The following GTF2F1 variants were observed in gnomAD, a reference collection of about 807,000 sequenced individuals.
GTF2F1 encodes general transcription factor IIF subunit 1, also known as general transcription factor IIF 74 kDa subunit.
GTF2F1 carries 39 observed loss-of-function variants against 63.5 expected under a neutral mutation model. The ratio of observed to expected loss-of-function variants is 0.61; its 90% CI spans 0.48 to 0.80. The LOEUF (loss-of-function observed/expected upper bound fraction) is 0.80. Ranked by LOEUF, GTF2F1 falls within the 30% of genes least tolerant of loss-of-function variation. The probability of loss-of-function intolerance (pLI) is 0.00; values close to 1 mark genes in which losing one functional copy is unlikely to be tolerated. For synonymous variants in GTF2F1, 287 were observed against 285.3 expected (o/e 1.01, Z -0.06); for missense variants, 657 against 718.3 (o/e 0.91, Z 0.97).
At position 6,381,821 on chromosome 19, in the gene GTF2F1, CCTT is replaced by C. The variant is rs776591997; in HGVS notation, c.709_711del (p.Lys237del). The C allele has an allele frequency of 6.2e-7, 1 of 1,613,472 alleles. No homozygotes were observed. The highest frequency in any genetic ancestry group is 1.1e-5 in the South Asian group (1 of 91,070). ...TTCCTGCCGCCCTTGGCCAGCGGCGCCTTCTTCTTGGCCTTGGGGACTCTGCCC... is the reference window on the plus strand; with the variant it reads ...TTCCTGCCGCCCTTGGCCAGCGGCGCCTTCTTGGCCTTGGGGACTCTGCCC... On this transcript the variant is annotated inframe_deletion, in exon 7 of 13. Coordinates refer to ENST00000394456, the MANE Select transcript of GTF2F1 (RefSeq NM_002096.3). This position sits in a 1 kb window ranked among gnomAD's most constrained non-coding sequence, Gnocchi z 4.1.
chr19:6,392,380 G>C, intron 2 of GTF2F1: 1 of 477,718 alleles, frequency 2.1e-6, no homozygotes, highest in Non-Finnish European at 4.1e-6. Context: ...CTCAGCCTTG[G>C]GGAGGAGGGA....
In GTF2F1 at chr19:6,381,554, C is replaced by G. The variant is rs780035055; in HGVS notation, c.898G>C (p.Gly300Arg). The stretch of plus-strand genomic sequence containing the variant: ...CCCGGCCCGCCCAGCCATCGCCTAC[C>G]CTTGGGCCCCTCCTCCTGCTGCGGC... ...KAPQQEEGPK[G>R]VDEQSDSSEE... is the part of the protein sequence containing the mutation. Residue 300 changes from glycine to arginine, a missense_variant and splice_region_variant, in exon 8 of 13, where the codon GGT (glycine) becomes CGT (arginine). By Grantham distance (125) the Gly-to-Arg change is moderately radical (BLOSUM62 -2). Transcript: ENST00000394456. This position sits in a 1 kb window ranked among gnomAD's most constrained non-coding sequence, Gnocchi z 4.1. The G allele has an allele frequency of 6.2e-7, 1 of 1,613,120 alleles. No homozygotes were observed. The highest frequency in any genetic ancestry group is 8.5e-7 in the Non-Finnish European group (1 of 1,180,018).
In GTF2F1 at chr19:6,387,262, G is replaced by T. The variant is rs557623060; in HGVS notation, c.497+127C>A. On this transcript the variant is annotated intron_variant, in intron 5 of 12. Transcript: ENST00000394456. ...CCTCCTGAACTGACAGCTCTGAGAC[G>T]GCCGAGTGGGGTCTGCCCTGGTTAC... 2.2e-5 allele frequency: 18 copies of T among 835,786 alleles called. No individual in the cohort carries two copies. In the African/African-American group the frequency reaches 2.7e-4, roughly 13 times the overall value. 51.8% of individuals were successfully genotyped at this position (835,786 alleles called of 1,614,324 possible).
intron 5 of GTF2F1, among the ~76,000 whole-genome samples, chr19:6,386,587 G>A (rs1249104192): frequency 6.6e-6 from 1 of 152,030 alleles, no homozygotes; most frequent in Non-Finnish European, 1.5e-5. Context: ...GGGACTACAG[G>A]CGCCCGCCAC....
intron 3 of GTF2F1, among the ~76,000 whole-genome samples, 158 bp downstream of exon 3, chr19:6,391,744 C>T (rs1468438663): frequency 6.6e-6 from 1 of 152,102 alleles, no homozygotes; most frequent in Non-Finnish European, 1.5e-5. Flanking sequence ...TGAACTACTG[C>T]ACCCAACCCT....
intron 5 of GTF2F1, among the ~76,000 whole-genome samples, chr19:6,386,069 C>T (rs2091972807): frequency 6.7e-6 from 1 of 148,506 alleles, no homozygotes; most frequent in South Asian, 2.2e-4. Flanking sequence ...GAGCGAGATT[C>T]GGTCTCAAAA....
Position 6,381,648 on chromosome 19 carries a change from C to A in GTF2F1, c.837-33G>T. On this transcript the variant is annotated intron_variant, in intron 7 of 12. Transcript: ENST00000394456. The surrounding 1 kb of genome is among the most constrained non-coding windows in gnomAD (Gnocchi z 4.1). ...ACGGGGATGGCAAAGGATGAGCGCG[C>A]GCTCGCGAGGCTGCATGGGGTCTCG... 1 of 1,614,008 alleles carries A rather than the reference C, an allele frequency of 6.2e-7. No homozygotes were observed. The highest frequency in any genetic ancestry group is 8.5e-7 in the Non-Finnish European group (1 of 1,180,034).
chr19:6,387,437 G>A lies in GTF2F1; in HGVS notation c.449C>T (p.Ala150Val), dbSNP rs1408290046. Residue 150 changes from alanine (A) to valine (V), a missense_variant, in exon 5 of 13, where the codon GCC becomes GTC. This residue lies in a region of GTF2F1 where 602 missense variants were observed against 625.6 expected (regional missense o/e 0.96). Coordinates refer to ENST00000394456, the MANE Select transcript of GTF2F1 (RefSeq NM_002096.3). ...VHNWYNFTPL[A>V]RHRTLTAEEA... ...CTCGGCAGTGAGCGTGCGATGCCGG[G>A]CCAGCGGTGTGAAATTGTACCAGTT... is the stretch of plus-strand genomic sequence containing the variant. 1 of 1,614,152 alleles carries A rather than the reference G, an allele frequency of 6.2e-7. No individual in the cohort carries two copies. The highest frequency in any genetic ancestry group is 8.5e-7 in the Non-Finnish European group (1 of 1,180,054).
At chr19:6,386,301 T>C (rs887975572) in intron 5 of GTF2F1, among the ~76,000 whole-genome samples, 1 of 151,236 alleles carries the variant, frequency 6.6e-6, no homozygotes, top group African/African-American at 2.4e-5. Context: ...GGCAGGAGAA[T>C]TGCTTGAACC....
intron 5 of GTF2F1, among the ~76,000 whole-genome samples, chr19:6,385,116 C>T (rs1199657257): frequency 2.6e-5 from 4 of 151,814 alleles, no homozygotes; most frequent in Non-Finnish European, 2.9e-5. Context: ...GCATTCTGGC[C>T]GGGCACCATG....
In GTF2F1 at chr19:6,381,854, G is replaced by C. The variant is rs1434245396; in HGVS notation, c.683-4C>G. 2.5e-6 allele frequency: 4 copies of C among 1,609,386 alleles called. No individual in the cohort carries two copies. In the South Asian group the frequency reaches 4.4e-5, roughly 18 times the overall value. On this transcript the variant is annotated splice_polypyrimidine_tract_variant and splice_region_variant and intron_variant, in intron 6 of 12. Coordinates refer to ENST00000394456, the MANE Select transcript of GTF2F1 (RefSeq NM_002096.3). The surrounding 1 kb of genome is among the most constrained non-coding windows in gnomAD (Gnocchi z 4.1). Reference sequence around the variant, plus strand: ...TTGGCCTTGGGGACTCTGCCCCCTGGGAAGGGAGGAAAGGAAGGAAAGGAG... The same window carrying C: ...TTGGCCTTGGGGACTCTGCCCCCTGCGAAGGGAGGAAAGGAAGGAAAGGAG...
At chr19:6,391,373 T>C (rs2091996302) in intron 3 of GTF2F1, among the ~76,000 whole-genome samples, 1 of 149,130 alleles carries the variant, frequency 6.7e-6, no homozygotes, top group South Asian at 2.2e-4. Context: ...GAGAGGCCTC[T>C]GGTGGGCCTA....
At chr19:6,387,350 C>T (rs778752614) in intron 5 of GTF2F1, 39 bp downstream of exon 5, 2 of 1,594,936 alleles carry the variant, frequency 1.3e-6, no homozygotes, top group East Asian at 4.5e-5. Flanking sequence ...CACCCCATTT[C>T]CCTCACTTCT....
Position 6,381,744 on chromosome 19 carries a change from A to C in GTF2F1, c.789T>G (p.Asp263Glu). 6.2e-7 allele frequency: 1 copy of C among 1,614,064 alleles called. No individual in the cohort carries two copies. Among genetic ancestry groups the C allele is most frequent in the Non-Finnish European group, 8.5e-7 (1 of 1,180,016 alleles). ...CCACCTCTTGGCCCTCGAAGTCCCC[A>C]TCATCGCTGTCCTCGAAGGCCTCGT... is the stretch of plus-strand genomic sequence containing the variant. ...SDDEAFEDSD[D>E]GDFEGQEVDY... Residue 263 changes from aspartate (D) to glutamate (E), a missense_variant, in exon 7 of 13, where the codon GAT becomes GAG. By Grantham distance (45) the Asp-to-Glu change is conservative. Around this residue, in one of 2 missense-constraint regions of GTF2F1, gnomAD observed 602 missense variants for 625.6 expected, o/e 0.96. Coordinates refer to ENST00000394456, the MANE Select transcript of GTF2F1 (RefSeq NM_002096.3). This position sits in a 1 kb window ranked among gnomAD's most constrained non-coding sequence, Gnocchi z 4.1.
intron 5 of GTF2F1, among the ~76,000 whole-genome samples, chr19:6,385,493 T>C (rs560265816): frequency 4.0e-5 from 6 of 148,762 alleles, no homozygotes; most frequent in Non-Finnish European, 8.9e-5. Flanking sequence ...TTCTTCTCCC[T>C]AAAACTTACA....
chr19:6,384,852 C>T (rs1011955407), intron 5 of GTF2F1, among the ~76,000 whole-genome samples: 3 of 151,158 alleles, frequency 2.0e-5, no homozygotes, highest in East Asian at 2.0e-4. Context: ...GGTGTGATCT[C>T]GGCTCACCAC....
chr19:6,382,127 G>T (rs1357099013), intron 6 of GTF2F1, among the ~76,000 whole-genome samples: 1 of 152,062 alleles, frequency 6.6e-6, no homozygotes, highest in Non-Finnish European at 1.5e-5. Flanking sequence ...AGCCCCTACA[G>T]CCCGGAGCGC....
chr19:6,388,951 A>AT (rs759285621), intron 4 of GTF2F1, among the ~76,000 whole-genome samples: 1 of 152,038 alleles, frequency 6.6e-6, no homozygotes, highest in Non-Finnish European at 1.5e-5. Flanking sequence ...GTCTCAAAAT[A>AT]AATAAGTAGG....
At position 6,389,622 on chromosome 19, in the gene GTF2F1, C is replaced by T. The variant is rs762549332; in HGVS notation, c.148G>A (p.Asp50Asn). 8 of 1,613,598 alleles carry T rather than the reference C, an allele frequency of 5.0e-6. No homozygotes were observed. The Admixed American group carries it at 8.3e-5, about 17-fold the overall frequency. Residue 50 changes from aspartate (D) to asparagine (N), a missense_variant, in exon 4 of 13, where the codon GAC becomes AAC. Physicochemically the swap from Asp to Asn is conservative, Grantham distance 23. This residue lies in a region of GTF2F1 where 602 missense variants were observed against 625.6 expected (regional missense o/e 0.96). Coordinates refer to ENST00000394456, the MANE Select transcript of GTF2F1 (RefSeq NM_002096.3). ...ATWNQARLER[D>N]LSNKKIYQEE... ...TGGTAGATTTTCTTGTTGCTCAAGT[C>T]CCGCTCCAGCCGAGCCTAGGGGAGC...
Sources: gnomAD v4.1 joint callset for allele counts (sites outside exome capture counted in the v4.1 genomes callset) on GRCh38, gnomAD v4.1.1 for gene constraint, gnomAD v4.1.1 regional missense constraint, Gnocchi (gnomAD v3.1) non-coding constraint, MANE v1.5 for transcripts, NCBI Gene and HGNC (gene_info 2026-07-23, HGNC 2026-07-21) for gene names.